The following CDH13 variants were observed in gnomAD, a reference collection of about 807,000 sequenced individuals.
CDH13 encodes the protein cadherin-13.
A neutral mutation model predicts 63.8 loss-of-function variants in CDH13; 24 were observed. The observed-to-expected ratio is 0.38, with a 90% CI of 0.27 to 0.53. The LOEUF (loss-of-function observed/expected upper bound fraction) is 0.53. CDH13 is among the 20% of genes least tolerant of loss of function. The pLI is 0.85. For missense variants in CDH13, 1,049 were observed against 903.1 expected (o/e 1.16, Z -2.07); for synonymous variants, 503 against 355.3 (o/e 1.42, Z -4.67).
chr16:83,662,320 A>C (rs950597088), intron 8 of CDH13, among the ~76,000 whole-genome samples: 1 of 152,174 alleles, frequency 6.6e-6, no homozygotes, highest in African/African-American at 2.4e-5. Flanking sequence ...GCTAGTAGGT[A>C]CTCTCTCTTT....
intron 6 of CDH13, among the ~76,000 whole-genome samples, chr16:83,384,111 A>C (rs1219148733): frequency 6.6e-6 from 1 of 152,200 alleles, no homozygotes; most frequent in Non-Finnish European, 1.5e-5. Flanking sequence ...TTAAAACACA[A>C]GTTCAAACTG....
intron 10 of CDH13, among the ~76,000 whole-genome samples, chr16:83,699,803 C>A (rs573513902): frequency 2.4e-4 from 36 of 152,310 alleles, no homozygotes; most frequent in Admixed American, 1.5e-3. Context: ...CCATCCTTCT[C>A]AGCATCCCAT....
chr16:83,071,871 A>T (rs2032464477), intron 3 of CDH13, among the ~76,000 whole-genome samples: 2 of 152,198 alleles, frequency 1.3e-5, no homozygotes, highest in South Asian at 4.1e-4. Flanking sequence ...TATTATGCAT[A>T]GATTATAAGT....
At chr16:83,186,080 T>TTTTTA (rs61089666) in intron 4 of CDH13, among the ~76,000 whole-genome samples, 12,566 of 109,834 alleles carry the variant, frequency 0.11, 1,214 homozygotes, top group Non-Finnish European at 0.15. Context: ...TAAAGGCATC[T>TTTTTA]TTTTATTTTA....
intron 7 of CDH13, among the ~76,000 whole-genome samples, chr16:83,520,764 C>G (rs1434702722): frequency 6.6e-6 from 1 of 152,176 alleles, no homozygotes; most frequent in Non-Finnish European, 1.5e-5. Flanking sequence ...ACGTGGCTAG[C>G]TTTTCAGCTG....
rs569688878 is a variant in CDH13, at chr16:83,478,109, GAGATCACGCCACTGC to G, written c.782-8366_782-8352del. On this transcript the variant is annotated intron_variant, in intron 6 of 13. Transcript: ENST00000567109. ...CAAGAGGCGGAGCTTGCAGTGAGCC[GAGATCACGCCACTGC>G]ACTCCAGCCTGGGCAACAGAGCAAG... Among the ~76,000 whole-genome samples, 464 of 150,298 alleles carry G rather than the reference GAGATCACGCCACTGC, an allele frequency of 3.1e-3. 3 individuals are homozygous for G. The highest frequency in any genetic ancestry group is 9.6e-3 in the African/African-American group (391 of 40,746).
intron 4 of CDH13, among the ~76,000 whole-genome samples, chr16:83,168,668 C>T (rs1597455567): frequency 9.3e-6 from 1 of 107,182 alleles, no homozygotes; most frequent in Non-Finnish European, 2.1e-5. Flanking sequence ...CATATTGGTG[C>T]TTTTACTTCT....
At chr16:83,409,838 T>C (rs2092101231) in intron 6 of CDH13, among the ~76,000 whole-genome samples, 1 of 152,248 alleles carries the variant, frequency 6.6e-6, no homozygotes, top group African/African-American at 2.4e-5. Flanking sequence ...GTCTGGGTTA[T>C]TTAACTGGCT....
intron 2 of CDH13, among the ~76,000 whole-genome samples, chr16:82,898,591 T>A (rs919887596): frequency 2.0e-5 from 3 of 152,156 alleles, no homozygotes; most frequent in Admixed American, 6.5e-5. Flanking sequence ...ATGGATGATA[T>A]AGATAGTGGT....
intron 1 of CDH13, among the ~76,000 whole-genome samples, chr16:82,689,846 G>C (rs1243493977): frequency 1.3e-5 from 2 of 151,662 alleles, no homozygotes; most frequent in Non-Finnish European, 2.9e-5. Flanking sequence ...AGTTGTGCCT[G>C]ATTAAGATCT....
At chr16:83,080,138 A>C (rs1030656927) in intron 3 of CDH13, among the ~76,000 whole-genome samples, 1 of 152,150 alleles carries the variant, frequency 6.6e-6, no homozygotes, top group African/African-American at 2.4e-5. Context: ...AGAAGGGAGT[A>C]ACAAGTGATG....
intron 2 of CDH13, among the ~76,000 whole-genome samples, chr16:83,028,523 A>G (rs1218935365): frequency 6.6e-6 from 1 of 152,194 alleles, no homozygotes; most frequent in Non-Finnish European, 1.5e-5. Flanking sequence ...AGCTCTCTAC[A>G]GTAGTCCCTG....
At chr16:82,885,671 A>G (rs1399424892) in intron 2 of CDH13, among the ~76,000 whole-genome samples, 1 of 152,116 alleles carries the variant, frequency 6.6e-6, no homozygotes, top group Non-Finnish European at 1.5e-5. Context: ...AAGAAATAAT[A>G]GTATCTTTAA....
chr16:83,156,800 T>C (rs982276663), intron 4 of CDH13, among the ~76,000 whole-genome samples: 10 of 152,320 alleles, frequency 6.6e-5, no homozygotes, highest in Non-Finnish European at 1.5e-4. Flanking sequence ...ACAGATGTTT[T>C]TATGGCCATA....
chr16:83,039,242 C>T (rs1917130223), intron 3 of CDH13, among the ~76,000 whole-genome samples: 1 of 152,222 alleles, frequency 6.6e-6, no homozygotes, highest in African/African-American at 2.4e-5. Context: ...CTCTCACTTC[C>T]TGATCAGCTC....
rs1904999312 is a variant in CDH13, at chr16:83,246,419, C to G, written c.636+28922C>G. On this transcript the variant is annotated intron_variant, in intron 5 of 13. Coordinates refer to ENST00000567109, the MANE Select transcript of CDH13 (RefSeq NM_001257.5). ...TTCCTAATCTTCACCTCATCAGAAG[C>G]CTCATTTTGATTTTCTGCTTTGCTG... 2.0e-5 allele frequency among the ~76,000 whole-genome samples: 3 copies of G among 152,140 alleles called. No individual in the cohort carries two copies. The South Asian group carries it at 6.2e-4, about 32-fold the overall frequency.
At chr16:82,982,753 A>G (rs1392684382) in intron 2 of CDH13, among the ~76,000 whole-genome samples, 3 of 152,176 alleles carry the variant, frequency 2.0e-5, no homozygotes, top group African/African-American at 7.2e-5. Flanking sequence ...TCACAATCCT[A>G]TAACTAATTC....
chr16:82,880,179 C>T (rs1356771395), intron 2 of CDH13, among the ~76,000 whole-genome samples: 4 of 151,882 alleles, frequency 2.6e-5, no homozygotes, highest in Admixed American at 2.6e-4. Flanking sequence ...TTGTATCGCC[C>T]TATATATTTT....
chr16:83,763,502 A>C (rs1425088830), intron 11 of CDH13, among the ~76,000 whole-genome samples: 1 of 152,154 alleles, frequency 6.6e-6, no homozygotes, highest in Non-Finnish European at 1.5e-5. Context: ...GGGGCTCTGA[A>C]CTGAACTTCA....
Sources: allele counts gnomAD v4.1 joint callset (sites outside exome capture counted in the v4.1 genomes callset), GRCh38; gene constraint gnomAD v4.1.1; transcripts MANE v1.5; gene names NCBI Gene and HGNC (gene_info 2026-07-23, HGNC 2026-07-21).